Variants in HOXC4 observed in about 807,000 individuals in gnomAD.
HOXC4 encodes the protein homeobox C4.
Under a neutral mutation model 25.5 loss-of-function variants are expected in HOXC4, and 15 were observed. The observed-to-expected ratio is 0.59, with a 90% confidence interval of 0.39 to 0.91. The LOEUF (loss-of-function observed/expected upper bound fraction) is 0.91. Ranked by LOEUF, HOXC4 falls within the 40% of genes least tolerant of loss-of-function variation. The probability of loss-of-function intolerance (pLI) is 0.00; values close to 1 mark genes in which losing one functional copy is unlikely to be tolerated. For missense variants in HOXC4, 342 were observed against 352.4 expected, an observed-to-expected ratio of 0.97 and a Z score of 0.24; for synonymous variants, 165 against 148.0, an observed-to-expected ratio of 1.11 and a Z score of -0.83.
rs1940930854 is a variant in HOXC4, at chr12:54,030,219, C to T, written c.-124+12805C>T. 6 of 366,594 alleles carry T rather than the reference C, an allele frequency of 1.6e-5. No individual in the cohort carries two copies. In the East Asian group the frequency reaches 2.2e-4, roughly 13 times the overall value. The allele number at this position is 366,594 out of a possible 1,614,324, so 22.7% of individuals were successfully genotyped here. A position where few individuals can be genotyped will look rare whatever the true frequency, so the allele number is the denominator to read the frequency against. On this transcript the variant is annotated intron_variant, in intron 1 of 3. Coordinates refer to the HOXC4 transcript ENST00000303406. ...CGGCTTGTCTACAGGCCCTTTTCCCCGTCCAGGCCTTGGGGGCTCGGACCC... is the reference window on the plus strand; with the variant it reads ...CGGCTTGTCTACAGGCCCTTTTCCCTGTCCAGGCCTTGGGGGCTCGGACCC...
chr12:54,055,372 TAAAC>T lies in HOXC4; in HGVS notation c.*174_*177del, dbSNP rs1175199974. On this transcript the variant is annotated 3_prime_UTR_variant, in exon 2 of 2. Coordinates refer to ENST00000430889, the MANE Select transcript of HOXC4 (RefSeq NM_153633.3). ...GTCAGTTCCAAACAGACAAAACAGA[TAAAC>T]AAACAAGCCCCCTGCCCTCCTCTCC... is the stretch of plus-strand genomic sequence containing the variant. The T allele has an allele frequency of 1.7e-5, 4 of 232,010 alleles. No individual in the cohort carries two copies. Among genetic ancestry groups the T allele is most frequent in the Admixed American group, 5.6e-5 (1 of 17,988 alleles). The allele number at this position is 232,010 out of a possible 1,614,324, so 14.4% of individuals were successfully genotyped here.
intron 1 of HOXC4, chr12:54,020,624 A>G (rs1219089598): frequency 2.0e-5 from 3 of 152,216 alleles, no homozygotes; most frequent in African/African-American, 2.4e-5. Flanking sequence ...GGTTAATTGT[A>G]TATTACCATG....
chr12:54,049,544 C>CTT (rs11418872), upstream of HOXC4, among the ~76,000 whole-genome samples: 310 of 146,904 alleles, frequency 2.1e-3, no homozygotes, highest in East Asian at 3.5e-3. Flanking sequence ...TCCATGATTG[C>CTT]TTTTTTTTTT....
rs561385097 is a variant in HOXC4, at chr12:54,033,820, T to TA, written c.-124+16413dup. The TA allele has an allele frequency of 8.6e-4, 468 of 544,382 alleles. 2 individuals are homozygous for TA. Among genetic ancestry groups the TA allele is most frequent in the African/African-American group, 8.1e-3 (415 of 51,414 alleles). The allele number at this position is 544,382 out of a possible 1,614,324, so 33.7% of individuals were successfully genotyped here. ...AATTTTTGGGGGAGAGGGAGGGAGT[T>TA]AAAAAAATAGAGGGATCTGAAGGGT... On this transcript the variant is annotated intron_variant, in intron 1 of 3. Transcript: ENST00000303406.
At chr12:54,029,815 C>A (rs1411417999) in intron 1 of HOXC4, 1 of 1,613,970 alleles carries the variant, frequency 6.2e-7, no homozygotes, top group Admixed American at 1.7e-5. Flanking sequence ...AGATCAAAAT[C>A]TGGTTCCAGA....
chr12:54,052,866 G>T (rs575791221), upstream of HOXC4, among the ~76,000 whole-genome samples: 32 of 152,266 alleles, frequency 2.1e-4, no homozygotes, highest in Admixed American at 1.2e-3. Context: ...ACCCACACAG[G>T]CCTCCCTCTT....
intron 1 of HOXC4, chr12:54,033,052 C>T: frequency 7.6e-7 from 1 of 1,324,092 alleles, no homozygotes. Context: ...CAAAAAACCC[C>T]TCAACTTCAA....
intron 1 of HOXC4, among the ~76,000 whole-genome samples, chr12:54,040,222 G>C (rs1287290859): frequency 1.3e-5 from 2 of 152,130 alleles, no homozygotes; most frequent in African/African-American, 4.8e-5. Flanking sequence ...CAGCCAACCC[G>C]GGAAGCTTTT....
At chr12:54,052,299 T>C (rs1937863780), upstream of HOXC4, among the ~76,000 whole-genome samples, 1 of 152,230 alleles carries the variant, frequency 6.6e-6, no homozygotes, top group African/African-American at 2.4e-5. Flanking sequence ...CTATAAAAGC[T>C]GTAGCGACGA....
chr12:54,048,135 G>C (rs1201198526), intron 1 of HOXC4, among the ~76,000 whole-genome samples: 2 of 152,088 alleles, frequency 1.3e-5, no homozygotes, highest in African/African-American at 4.8e-5. Flanking sequence ...GCTTGGGGCT[G>C]AGCAAACTGG....
In HOXC4 at chr12:54,022,374, A is replaced by G. The variant is rs192830708; in HGVS notation, c.-124+4960A>G. 3.3e-5 allele frequency: 5 copies of G among 152,310 alleles called. No homozygotes were observed. The East Asian group carries it at 9.6e-4, about 29-fold the overall frequency. 9.4% of individuals were successfully genotyped at this position (152,310 alleles called of 1,614,324 possible). Reference sequence around the variant, plus strand: ...AAATTGCCCCTTTGCTAAAGATCCTATATGTCTCCAATCCTGCCAGGTGTA... The same window carrying G: ...AAATTGCCCCTTTGCTAAAGATCCTGTATGTCTCCAATCCTGCCAGGTGTA... On this transcript the variant is annotated intron_variant, in intron 1 of 3. Coordinates refer to the HOXC4 transcript ENST00000303406.
At chr12:54,046,306 C>T (rs1937702733) in intron 1 of HOXC4, among the ~76,000 whole-genome samples, 1 of 152,118 alleles carries the variant, frequency 6.6e-6, no homozygotes, top group Admixed American at 6.5e-5. Context: ...CTTTGGCTTC[C>T]GCGGCTTTGA....
At chr12:54,048,871 A>G (rs992891376), upstream of HOXC4, among the ~76,000 whole-genome samples, 4 of 152,208 alleles carry the variant, frequency 2.6e-5, no homozygotes, top group Non-Finnish European at 5.9e-5. Flanking sequence ...TTCAAGCCAC[A>G]TTTAGGTTCC....
intron 1 of HOXC4, among the ~76,000 whole-genome samples, chr12:54,027,400 A>G (rs1940769169): frequency 6.6e-6 from 1 of 152,230 alleles, no homozygotes; most frequent in Admixed American, 6.5e-5. Context: ...TTGAGCCTGC[A>G]GGAAGCTAAC....
chr12:54,037,427 G>A (rs968192993), intron 1 of HOXC4, among the ~76,000 whole-genome samples: 1 of 152,190 alleles, frequency 6.6e-6, no homozygotes, highest in African/African-American at 2.4e-5. Flanking sequence ...ACCCCCTCTG[G>A]CAGCAAGAAA....
In HOXC4 at chr12:54,040,106, C is replaced by T. The variant is rs1373223228; in HGVS notation, c.-123-13054C>T. Among the ~76,000 whole-genome samples the T allele has an allele frequency of 2.6e-5, 4 of 152,138 alleles. No homozygotes were observed. The South Asian group carries it at 6.2e-4, about 24-fold the overall frequency. On this transcript the variant is annotated intron_variant, in intron 1 of 3. Transcript: ENST00000303406. ...TAGTTCCACCTGGAAACAGGGCAAACGCAAAGGAGGCCTGAAATTCTTGGT... is the reference window on the plus strand; with the variant it reads ...TAGTTCCACCTGGAAACAGGGCAAATGCAAAGGAGGCCTGAAATTCTTGGT...
upstream of HOXC4, among the ~76,000 whole-genome samples, chr12:54,051,969 T>C (rs2136465802): frequency 6.6e-6 from 1 of 152,328 alleles, no homozygotes. Flanking sequence ...CTTTATTTTT[T>C]TTTTCCCTTT....
intron 1 of HOXC4, chr12:54,047,662 G>C (rs1193216085): frequency 6.6e-6 from 1 of 152,592 alleles, no homozygotes; most frequent in Non-Finnish European, 1.5e-5. Flanking sequence ...GGTGCAGGCC[G>C]AGGCTGGCGA....
intron 1 of HOXC4, chr12:54,029,005 GT>G (rs1565741643): frequency 3.0e-6 from 4 of 1,317,398 alleles, no homozygotes; most frequent in Admixed American, 2.3e-5. Context: ...GGCGGAGAGA[GT>G]TTTTTATGGC....
Sources: allele counts gnomAD v4.1 joint callset (sites outside exome capture counted in the v4.1 genomes callset), GRCh38; gene constraint gnomAD v4.1.1; transcripts MANE v1.5; gene names NCBI Gene and HGNC (gene_info 2026-07-23, HGNC 2026-07-21).